PDZD9: variants seen among roughly 807,000 people sequenced by gnomAD.
PDZD9 encodes PDZ domain containing 9.
In PDZD9, 13 loss-of-function variants were observed where a neutral mutation model predicts 16.3. The observed-to-expected ratio is 0.80, with a 90% CI of 0.52 to 1.27. The LOEUF is 1.27. Ranked by LOEUF, PDZD9 falls within the 50% of genes most tolerant of loss-of-function variation. The pLI is 0.00. For synonymous variants in PDZD9, 120 were observed against 111.0 expected, an observed-to-expected ratio of 1.08 and a Z score of -0.51; for missense variants, 288 against 310.9, an observed-to-expected ratio of 0.93 and a Z score of 0.55.
At chr16:21,974,092 G>A in the PDZD9 span, 1 of 861,682 alleles carries the variant, frequency 1.2e-6, no homozygotes. Flanking sequence ...ACTTATCAGA[G>A]CTCTGTATAG....
chr16:21,961,653 TA>T, the PDZD9 span, among the ~76,000 whole-genome samples: 3 of 105,754 alleles, frequency 2.8e-5, no homozygotes, highest in Non-Finnish European at 5.4e-5. Context: ...TATATATATA[TA>T]TATATATATA....
At chr16:21,971,443 T>C in the PDZD9 span, 1 of 1,198,116 alleles carries the variant, frequency 8.3e-7, no homozygotes, top group Non-Finnish European at 1.2e-6. Flanking sequence ...TACAATCGTA[T>C]TTTTAAAACA....
the PDZD9 span, chr16:21,976,142 G>T: frequency 6.3e-7 from 1 of 1,591,910 alleles, no homozygotes; most frequent in South Asian, 1.1e-5. Flanking sequence ...GACCACAGAT[G>T]ACCAACTTTT....
the PDZD9 span, among the ~76,000 whole-genome samples, chr16:21,973,490 G>A: frequency 6.6e-6 from 1 of 152,160 alleles, no homozygotes; most frequent in African/African-American, 2.4e-5. Context: ...TGACATGAGT[G>A]TATAAGAGAA....
Position 22,001,098 on chromosome 16 carries a change from A to G in PDZD9, c.-51T>C, listed in dbSNP as rs7184904. 1 of 1,472,522 alleles carries G rather than the reference A, an allele frequency of 6.8e-7. No individual in the cohort carries two copies. 91.2% of individuals were successfully genotyped at this position (1,472,522 alleles called of 1,614,324 possible). A position where few individuals can be genotyped will look rare whatever the true frequency, so the allele number is the denominator to read the frequency against. Reference sequence around the variant, plus strand: ...GAGGGCCTCCCGGAGCAGAGGCTGGAGTCAGTCCCAATGCCAACAGTTTCG... The same window carrying G: ...GAGGGCCTCCCGGAGCAGAGGCTGGGGTCAGTCCCAATGCCAACAGTTTCG... On this transcript the variant is annotated 5_prime_UTR_variant, in exon 1 of 4. Coordinates refer to ENST00000424898, the MANE Select transcript of PDZD9 (RefSeq NM_001363519.1).
At chr16:21,999,246 C>T (rs775748830) in intron 1 of PDZD9, 3 of 214,716 alleles carry the variant, frequency 1.4e-5, no homozygotes, top group African/African-American at 2.3e-5. Context: ...TCGCTAGGGC[C>T]CAGTGGCAGG....
chr16:21,982,445 C>G (rs1176200620), downstream of PDZD9, among the ~76,000 whole-genome samples: 3 of 152,172 alleles, frequency 2.0e-5, no homozygotes, highest in Non-Finnish European at 4.4e-5. Flanking sequence ...AAGTATATCC[C>G]TGCCTGAAGC....
intron 2 of PDZD9, chr16:21,995,375 A>G: frequency 2.4e-6 from 1 of 408,262 alleles, no homozygotes; most frequent in Non-Finnish European, 4.9e-6. Flanking sequence ...ATTTCTTTAT[A>G]GCAGTGCAAG....
downstream of PDZD9, chr16:21,980,490 G>GAAA: frequency 2.1e-6 from 3 of 1,450,388 alleles, no homozygotes; most frequent in Non-Finnish European, 1.9e-6. Context: ...CCACCACTCA[G>GAAA]AAAAAAAAAA....
chr16:21,979,101 G>A (rs1298450782), downstream of PDZD9, among the ~76,000 whole-genome samples: 1 of 152,144 alleles, frequency 6.6e-6, no homozygotes, highest in African/African-American at 2.4e-5. Flanking sequence ...AAGGCAAAAG[G>A]AAAAGGTCAA....
At chr16:21,985,556 G>T (rs1187236104) in intron 3 of PDZD9, among the ~76,000 whole-genome samples, 1 of 152,042 alleles carries the variant, frequency 6.6e-6, no homozygotes. Context: ...CTTTCCTAAT[G>T]CCTACAGTAC....
chr16:21,980,701 G>T, downstream of PDZD9: 3 of 1,611,790 alleles, frequency 1.9e-6, no homozygotes, highest in Non-Finnish European at 2.5e-6. Context: ...TATCATAAAT[G>T]TAAGTAAATG....
the PDZD9 span, chr16:21,972,074 C>T: frequency 6.2e-7 from 1 of 1,614,074 alleles, no homozygotes; most frequent in Non-Finnish European, 8.5e-7. Context: ...GCAACACCAC[C>T]AGCCATCTGC....
At chr16:21,992,985 CCTT>C (rs1024155135) in intron 2 of PDZD9, among the ~76,000 whole-genome samples, 1 of 152,150 alleles carries the variant, frequency 6.6e-6, no homozygotes, top group East Asian at 1.9e-4. Context: ...GACAGCTCCT[CCTT>C]CACACACTCA....
the PDZD9 span, among the ~76,000 whole-genome samples, chr16:21,969,425 C>T: frequency 2.0e-5 from 3 of 151,970 alleles, no homozygotes; most frequent in African/African-American, 7.3e-5. Context: ...TCCCAGCTAT[C>T]GGGGGGCTGA....
At chr16:21,989,100 G>A (rs1333776174) in intron 2 of PDZD9, among the ~76,000 whole-genome samples, 2 of 139,860 alleles carry the variant, frequency 1.4e-5, no homozygotes, top group East Asian at 4.1e-4. Flanking sequence ...GGCTAATTTT[G>A]TTTTTTTTTT....
At chr16:21,971,719 C>G in the PDZD9 span, 4 of 1,362,606 alleles carry the variant, frequency 2.9e-6, no homozygotes, top group South Asian at 3.7e-5. Context: ...TACTACTGAA[C>G]AGTCTCGGCA....
the PDZD9 span, among the ~76,000 whole-genome samples, chr16:21,961,117 T>G: frequency 6.6e-6 from 1 of 152,206 alleles, no homozygotes; most frequent in Non-Finnish European, 1.5e-5. Context: ...TGTGAGCCAC[T>G]GCACCCAGCC....
At chr16:21,971,574 G>C in the PDZD9 span, 2 of 1,614,156 alleles carry the variant, frequency 1.2e-6, no homozygotes, top group Non-Finnish European at 1.7e-6. Context: ...TTCTCAACAT[G>C]AGGGGTGGGC....
Sources: gnomAD v4.1 joint callset for allele counts (sites outside exome capture counted in the v4.1 genomes callset) on GRCh38, gnomAD v4.1.1 for gene constraint, MANE v1.5 for transcripts, NCBI Gene and HGNC (gene_info 2026-07-23, HGNC 2026-07-21) for gene names.